The following VCAM1 variants were observed in gnomAD, a reference collection of about 807,000 sequenced individuals.
VCAM1 encodes the protein vascular cell adhesion molecule 1, also known as vascular cell adhesion protein 1.
A neutral mutation model predicts 63.8 loss-of-function variants in VCAM1; 41 were observed. That is an observed-to-expected ratio of 0.64 (90% CI 0.50 to 0.83). VCAM1 has a LOEUF of 0.83. Among genes scored for constraint, VCAM1 ranks in the 40% least tolerant of loss-of-function variants. VCAM1 has a pLI of 0.00. For synonymous variants in VCAM1, 338 were observed against 320.7 expected, an observed-to-expected ratio of 1.05 and a Z score of -0.58; for missense variants, 798 against 875.5, an observed-to-expected ratio of 0.91 and a Z score of 1.12.
intron 2 of VCAM1, among the ~76,000 whole-genome samples, chr1:100,722,674 G>A (rs1292078755): frequency 6.6e-6 from 1 of 152,056 alleles, no homozygotes; most frequent in Non-Finnish European, 1.5e-5. Flanking sequence ...ATCTCCTAGA[G>A]TTATTGTGAG....
chr1:100,736,332 A>G (rs1437939056), intron 8 of VCAM1: 2 of 152,222 alleles, frequency 1.3e-5, no homozygotes, highest in African/African-American at 2.4e-5. Flanking sequence ...AGACCAAAAA[A>G]TGGATATTTT....
In VCAM1 at chr1:100,732,628, G is replaced by A; in HGVS notation, c.1736G>A (p.Cys579Tyr). 6.2e-7 allele frequency: 1 copy of A among 1,611,394 alleles called. No homozygotes were observed. Among genetic ancestry groups the A allele is most frequent in the Non-Finnish European group, 8.5e-7 (1 of 1,179,152 alleles). Reference sequence around the variant, plus strand: ...ATGGAAGATTCTGGGGTTTATTTATGTGAAGGAATTAACCAGGCTGGAAGA... The same window carrying A: ...ATGGAAGATTCTGGGGTTTATTTATATGAAGGAATTAACCAGGCTGGAAGA... ...TKMEDSGVYLCEGINQAGRSR... is the reference protein window; with the variant it reads ...TKMEDSGVYLYEGINQAGRSR... Residue 579 changes from cysteine to tyrosine, a missense_variant, in exon 7 of 9, where the codon TGT becomes TAT. By Grantham distance (194) the Cys-to-Tyr change is radical (BLOSUM62 -2). Coordinates refer to ENST00000294728, the MANE Select transcript of VCAM1 (RefSeq NM_001078.4).
chr1:100,729,099 T>C lies in VCAM1; in HGVS notation c.929-8T>C, dbSNP rs994878455. On this transcript the variant is annotated splice_region_variant and splice_polypyrimidine_tract_variant and intron_variant, in intron 4 of 8. Transcript: ENST00000294728. Reference sequence around the variant, plus strand: ...TTCTTTTCATCTTGTTTTCCACCTGTGTCCCAGAGAAACCATTTACTGTTG... The same window carrying C: ...TTCTTTTCATCTTGTTTTCCACCTGCGTCCCAGAGAAACCATTTACTGTTG... 6.6e-7 allele frequency: 1 copy of C among 1,508,826 alleles called. No individual in the cohort carries two copies. The highest frequency in any genetic ancestry group is 8.9e-7 in the Non-Finnish European group (1 of 1,126,866). 93.5% of individuals were successfully genotyped at this position (1,508,826 alleles called of 1,614,324 possible).
intron 4 of VCAM1, among the ~76,000 whole-genome samples, chr1:100,725,372 C>T (rs1217196559): frequency 6.6e-6 from 1 of 152,086 alleles, no homozygotes; most frequent in Non-Finnish European, 1.5e-5. Context: ...TATCATCTCT[C>T]ACTTGGGCTC....
intron 8 of VCAM1, chr1:100,737,487 A>G (rs1203569426): frequency 6.6e-6 from 1 of 152,186 alleles, no homozygotes; most frequent in African/African-American, 2.4e-5. Context: ...AAGCTGTAAC[A>G]TAACACTGTC....
At chr1:100,725,380 C>A (rs1208667307) in intron 4 of VCAM1, among the ~76,000 whole-genome samples, 2 of 152,024 alleles carry the variant, frequency 1.3e-5, no homozygotes, top group Non-Finnish European at 2.9e-5. Flanking sequence ...CTCACTTGGG[C>A]TCCTGCAAGA....
In VCAM1 at chr1:100,731,101, T is replaced by G. The variant is rs887549399; in HGVS notation, c.1205-97T>G. The G allele has an allele frequency of 5.4e-5, 65 of 1,214,916 alleles. No individual in the cohort carries two copies. The South Asian group carries it at 9.6e-4, about 18-fold the overall frequency. The allele number at this position is 1,214,916 out of a possible 1,614,324, so 75.3% of individuals were successfully genotyped here. On this transcript the variant is annotated intron_variant, in intron 5 of 8. Transcript: ENST00000294728. The surrounding 1 kb of genome is among the most constrained non-coding windows in gnomAD (Gnocchi z 4.2). ...GACAGTCATTCTATCCCAGGTGACTTAAAGCTGTCATTTTTAGGCCTTTAC... is the reference window on the plus strand; with the variant it reads ...GACAGTCATTCTATCCCAGGTGACTGAAAGCTGTCATTTTTAGGCCTTTAC...
chr1:100,722,515 G>A (rs908234836), intron 2 of VCAM1, among the ~76,000 whole-genome samples: 4 of 152,026 alleles, frequency 2.6e-5, no homozygotes, highest in Non-Finnish European at 5.9e-5. Context: ...AAAATGTGAT[G>A]TAACATAATG....
chr1:100,724,117 A>G (rs1660072521), intron 3 of VCAM1, among the ~76,000 whole-genome samples: 1 of 152,126 alleles, frequency 6.6e-6, no homozygotes, highest in South Asian at 2.1e-4. Flanking sequence ...AGCATTTGAA[A>G]GACAGTTATA....
At chr1:100,728,545 A>G (rs1400513420) in intron 4 of VCAM1, among the ~76,000 whole-genome samples, 3 of 152,004 alleles carry the variant, frequency 2.0e-5, no homozygotes, top group East Asian at 3.9e-4. Context: ...ATCAAGTCCT[A>G]ATTTTGCTAC....
intron 2 of VCAM1, among the ~76,000 whole-genome samples, chr1:100,722,046 G>T (rs1300988688): frequency 6.6e-6 from 1 of 152,028 alleles, no homozygotes; most frequent in African/African-American, 2.4e-5. Flanking sequence ...AAGAGTGTCT[G>T]TTTCTCATTA....
chr1:100,736,438 A>G (rs980384613), intron 8 of VCAM1: 6 of 152,156 alleles, frequency 3.9e-5, no homozygotes, highest in Admixed American at 3.9e-4. Context: ...AATAGAAATC[A>G]TCAGGATTTT....
chr1:100,726,156 C>T (rs1660155479), intron 4 of VCAM1, among the ~76,000 whole-genome samples: 1 of 152,112 alleles, frequency 6.6e-6, no homozygotes, highest in African/African-American at 2.4e-5. Context: ...GAGGTACTGG[C>T]TTCTCTGTGC....
chr1:100,726,862 C>T (rs893221898), intron 4 of VCAM1, among the ~76,000 whole-genome samples: 17 of 152,040 alleles, frequency 1.1e-4, no homozygotes, highest in Non-Finnish European at 2.4e-4. Flanking sequence ...TGTCTTTCCA[C>T]TAAACTGTAA....
intron 4 of VCAM1, among the ~76,000 whole-genome samples, chr1:100,726,349 G>C (rs1457455246): frequency 6.6e-6 from 1 of 151,934 alleles, no homozygotes; most frequent in Non-Finnish European, 1.5e-5. Context: ...ACTGCTCCCA[G>C]GGTTTATTAC....
chr1:100,733,449 A>G (rs552526638), intron 7 of VCAM1, among the ~76,000 whole-genome samples: 11 of 152,268 alleles, frequency 7.2e-5, no homozygotes, highest in African/African-American at 2.4e-4. Flanking sequence ...TCTCAACTCA[A>G]TAAGATTTGT....
intron 8 of VCAM1, 79 bp from the exon 9 acceptor site, chr1:100,738,044 T>C (rs1660717581): frequency 4.7e-6 from 7 of 1,482,794 alleles, no homozygotes; most frequent in African/African-American, 2.8e-5. Flanking sequence ...TGTACTGTTA[T>C]AATAAACATG....
chr1:100,727,853 A>G (rs983951907), intron 4 of VCAM1, among the ~76,000 whole-genome samples: 2 of 152,152 alleles, frequency 1.3e-5, no homozygotes, highest in Non-Finnish European at 2.9e-5. Context: ...AATCTTCTTC[A>G]GAAAATACTA....
intron 7 of VCAM1, among the ~76,000 whole-genome samples, chr1:100,733,860 A>T (rs1476057556): frequency 6.6e-6 from 1 of 152,206 alleles, no homozygotes; most frequent in African/African-American, 2.4e-5. Context: ...TCTATTTCAC[A>T]TCTGAATTCT....
Sources: allele counts gnomAD v4.1 joint callset (sites outside exome capture counted in the v4.1 genomes callset), GRCh38; gene constraint gnomAD v4.1.1; non-coding constraint Gnocchi (gnomAD v3.1); transcripts MANE v1.5; gene names NCBI Gene and HGNC (gene_info 2026-07-23, HGNC 2026-07-21).